TAFA5: variants seen among roughly 807,000 people sequenced by gnomAD.
TAFA5 encodes chemokine-like protein TAFA-5.
Under a neutral mutation model 15.3 loss-of-function variants are expected in TAFA5, and 6 were observed. That is an observed-to-expected ratio of 0.39 (90% CI 0.21 to 0.77). TAFA5 has a LOEUF of 0.77. Ranked by LOEUF, TAFA5 falls within the 30% of genes least tolerant of loss-of-function variation. TAFA5 has a pLI of 0.41. For synonymous variants in TAFA5, 103 were observed against 80.7 expected, an observed-to-expected ratio of 1.28 and a Z score of -1.48; for missense variants, 161 against 193.1, an observed-to-expected ratio of 0.83 and a Z score of 0.98.
chr22:48,521,994 C>A (rs1006105760), intron 1 of TAFA5, among the ~76,000 whole-genome samples: 1 of 152,212 alleles, frequency 6.6e-6, no homozygotes, highest in Non-Finnish European at 1.5e-5. Context: ...CAGTGCCCAC[C>A]CTCCGGATGG....
chr22:48,701,634 TTTC>T (rs1928909234), intron 2 of TAFA5, among the ~76,000 whole-genome samples: 1 of 152,212 alleles, frequency 6.6e-6, no homozygotes, highest in African/African-American at 2.4e-5. Flanking sequence ...CAAGTTGGAC[TTTC>T]GGCAAATTGA....
rs531467767 is a variant in TAFA5, at chr22:48,566,919, G to A, written c.112+77215G>A. Among the ~76,000 whole-genome samples, 3 of 152,296 alleles carry A rather than the reference G, an allele frequency of 2.0e-5. No homozygotes were observed. Among genetic ancestry groups the A allele is most frequent in the Non-Finnish European group, 4.4e-5 (3 of 68,006 alleles). On this transcript the variant is annotated intron_variant, in intron 1 of 3. Coordinates refer to ENST00000402357, the MANE Select transcript of TAFA5 (RefSeq NM_001082967.3). The surrounding 1 kb of genome is among the most constrained non-coding windows in gnomAD (Gnocchi z 4.5). ...TACGCCTGGGGCCGTCAGTGGGTTG[G>A]GTTTGTCCTTTCTCCTTTGCTCCGC...
intron 1 of TAFA5, among the ~76,000 whole-genome samples, chr22:48,626,450 T>A (rs571644686): frequency 1.3e-5 from 2 of 152,252 alleles, no homozygotes; most frequent in Non-Finnish European, 2.9e-5. Context: ...GCAGATGATG[T>A]TGAGCAACTT....
intron 3 of TAFA5, among the ~76,000 whole-genome samples, chr22:48,746,616 G>A (rs370220036): frequency 6.6e-6 from 1 of 152,224 alleles, no homozygotes; most frequent in Non-Finnish European, 1.5e-5. Context: ...ACAGGGGGAC[G>A]CTCAGAGAGT....
intron 2 of TAFA5, among the ~76,000 whole-genome samples, chr22:48,696,476 G>T (rs1928716281): frequency 6.6e-6 from 1 of 152,182 alleles, no homozygotes; most frequent in Non-Finnish European, 1.5e-5. Context: ...AGGGACAGGA[G>T]GTGAAGGTGA....
At chr22:48,620,601 A>ATCCCCCCCCCCACCATCC (rs1555893262) in intron 1 of TAFA5, among the ~76,000 whole-genome samples, 2 of 16,776 alleles carry the variant, frequency 1.2e-4, no homozygotes, top group Non-Finnish European at 1.1e-4. Flanking sequence ...CCACCCCCCT[A>ATCCCCCCCCCCACCATCC]CCCATCCTAT....
Position 48,646,670 on chromosome 22 carries a change from C to T in TAFA5, c.186C>T (p.Ala62=), listed in dbSNP as rs376296775. The part of the protein sequence containing the change: ...RDSSQPRRTI[A]RQTARCACRK... Reference sequence around the variant, plus strand: ...GCAGCCAGCCTCGGAGGACGATCGCCCGGCAGACCGCCCGCTGTGCGTGTA... The same window carrying T: ...GCAGCCAGCCTCGGAGGACGATCGCTCGGCAGACCGCCCGCTGTGCGTGTA... The change falls in exon 2 of 4, where the codon GCC becomes GCT. Residue 62 remains alanine, a synonymous_variant. Coordinates refer to ENST00000402357, the MANE Select transcript of TAFA5 (RefSeq NM_001082967.3). 13 of 1,611,732 alleles carry T rather than the reference C, an allele frequency of 8.1e-6. No individual in the cohort carries two copies. The African/African-American group carries it at 1.6e-4, about 20-fold the overall frequency.
At chr22:48,542,502 GTGTGTGGCATGTGTGTGTGCATGTGT>G (rs1922463355) in intron 1 of TAFA5, among the ~76,000 whole-genome samples, 2 of 123,500 alleles carry the variant, frequency 1.6e-5, no homozygotes, top group Non-Finnish European at 3.4e-5. Context: ...GTGTGTGTGC[GTGTGTGGCATGTGTGTGTGCATGTGT>G]GGTGTGTGGT....
At chr22:48,628,366 C>T (rs898481792) in intron 1 of TAFA5, among the ~76,000 whole-genome samples, 1 of 152,202 alleles carries the variant, frequency 6.6e-6, no homozygotes, top group Non-Finnish European at 1.5e-5. Flanking sequence ...GGTCATCGCC[C>T]CCTTTGCCTC....
In TAFA5 at chr22:48,492,127, T is replaced by TCC. The variant is rs71316947; in HGVS notation, c.112+2431_112+2432dup. On this transcript the variant is annotated intron_variant, in intron 1 of 3. Transcript: ENST00000402357. The stretch of plus-strand genomic sequence containing the variant: ...GAACTGCAGTCCTAGAGAAAAAAAA[T>TCC]CCCCCCCCCTTTTTTCAGAACCGAT... 4.8e-3 allele frequency among the ~76,000 whole-genome samples: 700 copies of TCC among 147,120 alleles called. 5 individuals are homozygous for TCC. The highest frequency in any genetic ancestry group is 0.014 in the Middle Eastern group (4 of 280).
At chr22:48,496,119 C>T (rs1011929404) in intron 1 of TAFA5, among the ~76,000 whole-genome samples, 2 of 152,216 alleles carry the variant, frequency 1.3e-5, no homozygotes, top group African/African-American at 4.8e-5. Flanking sequence ...TTAGAGGATC[C>T]CCTGCTTCCT....
intron 1 of TAFA5, among the ~76,000 whole-genome samples, chr22:48,500,488 C>G (rs997800781): frequency 2.0e-5 from 3 of 152,228 alleles, no homozygotes; most frequent in Non-Finnish European, 4.4e-5. Flanking sequence ...CCAGGTGTCC[C>G]TGAGCACACA....
intron 1 of TAFA5, among the ~76,000 whole-genome samples, chr22:48,596,754 CAG>C (rs1924779625): frequency 6.6e-6 from 1 of 152,142 alleles, no homozygotes; most frequent in South Asian, 2.1e-4. Flanking sequence ...TCGTAGCATA[CAG>C]AGGGGCGCCA....
chr22:48,716,773 A>G lies in TAFA5; in HGVS notation c.390+8929A>G, dbSNP rs918702324. On this transcript the variant is annotated intron_variant, in intron 3 of 3. Coordinates refer to ENST00000402357, the MANE Select transcript of TAFA5 (RefSeq NM_001082967.3). ...ATGGCAGAGATGTGTGCATACATGT[A>G]CATATGGTATGCCTATAGGTACTGT... Among the ~76,000 whole-genome samples, 3 of 152,354 alleles carry G rather than the reference A, an allele frequency of 2.0e-5. No homozygotes were observed. The South Asian group carries it at 6.2e-4, about 32-fold the overall frequency.
intron 2 of TAFA5, among the ~76,000 whole-genome samples, chr22:48,658,405 C>T (rs1350247688): frequency 6.6e-6 from 1 of 152,250 alleles, no homozygotes; most frequent in African/African-American, 2.4e-5. Context: ...CCCATGGGCG[C>T]TCAGTTCCGC....
intron 1 of TAFA5, chr22:48,545,061 A>C (rs988890278): frequency 1.4e-5 from 5 of 360,152 alleles, no homozygotes; most frequent in African/African-American, 1.1e-4. Flanking sequence ...TCTCAGGGGA[A>C]CCATGACTTT....
intron 2 of TAFA5, among the ~76,000 whole-genome samples, chr22:48,675,461 C>T (rs77415227): frequency 6.6e-6 from 1 of 152,242 alleles, no homozygotes; most frequent in Non-Finnish European, 1.5e-5. Context: ...GGCCCATACA[C>T]CCACTTGTGG....
intron 1 of TAFA5, among the ~76,000 whole-genome samples, chr22:48,571,971 CAGG>C (rs1217325363): frequency 1.3e-5 from 2 of 152,084 alleles, no homozygotes; most frequent in Non-Finnish European, 1.5e-5. Context: ...CATTAATTTC[CAGG>C]AGTTTTTTTC....
intron 1 of TAFA5, among the ~76,000 whole-genome samples, chr22:48,592,949 T>G (rs1019613832): frequency 3.7e-4 from 56 of 152,046 alleles, no homozygotes; most frequent in African/African-American, 1.3e-3. Flanking sequence ...GTCTTTGTGG[T>G]GGACCTGTCT....
Sources: gnomAD v4.1 joint callset for allele counts (sites outside exome capture counted in the v4.1 genomes callset) on GRCh38, gnomAD v4.1.1 for gene constraint, Gnocchi (gnomAD v3.1) non-coding constraint, MANE v1.5 for transcripts, NCBI Gene and HGNC (gene_info 2026-07-23, HGNC 2026-07-21) for gene names.